The following RIC8B variants were observed in gnomAD, a reference collection of about 807,000 sequenced individuals.
RIC8B encodes chaperone Ric-8B.
Under a neutral mutation model 57.5 loss-of-function variants are expected in RIC8B, and 16 were observed. The ratio of observed to expected loss-of-function variants is 0.28; its 90% CI spans 0.19 to 0.42. The LOEUF is 0.42. RIC8B is among the 10% of genes least tolerant of loss of function. The pLI, the probability that RIC8B is intolerant of heterozygous loss-of-function variation, is 1.00. For missense variants in RIC8B, 481 were observed against 677.0 expected, an observed-to-expected ratio of 0.71 and a Z score of 3.21; for synonymous variants, 216 against 250.8, an observed-to-expected ratio of 0.86 and a Z score of 1.31.
intron 2 of RIC8B, among the ~76,000 whole-genome samples, chr12:106,787,080 T>C (rs750843922): frequency 6.6e-6 from 1 of 152,212 alleles, no homozygotes; most frequent in Non-Finnish European, 1.5e-5. Context: ...AATAGGGTAG[T>C]AGAAAAAAAC....
At chr12:106,873,148 A>G in intron 9 of RIC8B, 18 of 985,410 alleles carry the variant, frequency 1.8e-5, no homozygotes, top group Non-Finnish European at 2.2e-5. Flanking sequence ...ACTTATCCGG[A>G]AGTACCCAGC....
intron 9 of RIC8B, chr12:106,874,485 G>A: frequency 6.4e-7 from 1 of 1,551,170 alleles, no homozygotes; most frequent in East Asian, 2.4e-5. Context: ...CCATAGGAGA[G>A]CAGATGTGAA....
rs1949077797 is a variant in RIC8B at position 106,844,045 on chromosome 12, A to G, written c.1161+98A>G. 7 of 874,802 alleles carry G rather than the reference A, an allele frequency of 8.0e-6. No homozygotes were observed. In the South Asian group the frequency reaches 1.0e-4, roughly 13 times the overall value. 54.2% of individuals were successfully genotyped at this position (874,802 alleles called of 1,614,324 possible). A position where few individuals can be genotyped will look rare whatever the true frequency, so the allele number is the denominator to read the frequency against. On this transcript the variant is annotated intron_variant, in intron 6 of 9. Coordinates refer to ENST00000392837, the MANE Select transcript of RIC8B (RefSeq NM_001330145.2). ...TTTTCTCACAATGATTTTGTTTCAG[A>G]TAATCAGAAACTCAGTCTTAATCTT...
chr12:106,872,968 A>G (rs1950508588), intron 9 of RIC8B: 1 of 932,802 alleles, frequency 1.1e-6, no homozygotes, highest in South Asian at 5.0e-5. Flanking sequence ...CTACCATTTC[A>G]TAAGGCATCT....
At chr12:106,871,917 G>T (rs2136604978) in intron 9 of RIC8B, among the ~76,000 whole-genome samples, 1 of 152,300 alleles carries the variant, frequency 6.6e-6, no homozygotes, top group Middle Eastern at 3.4e-3. Flanking sequence ...GGGTAGAAAT[G>T]GACAAGAACA....
At chr12:106,826,014 C>A (rs538328353) in intron 4 of RIC8B, among the ~76,000 whole-genome samples, 194 bp downstream of exon 4, 1 of 152,212 alleles carries the variant, frequency 6.6e-6, no homozygotes, top group Non-Finnish European at 1.5e-5. Context: ...TGCCCCCTTT[C>A]ACTTTGTTAT....
intron 2 of RIC8B, among the ~76,000 whole-genome samples, chr12:106,799,859 C>T (rs1166956234): frequency 6.6e-6 from 1 of 152,094 alleles, no homozygotes; most frequent in African/African-American, 2.4e-5. Context: ...TCTCGGCTAT[C>T]TTAGTCTGCT....
chr12:106,848,132 G>A (rs1949290556), intron 6 of RIC8B, among the ~76,000 whole-genome samples: 1 of 152,170 alleles, frequency 6.6e-6, no homozygotes, highest in African/African-American at 2.4e-5. Context: ...TGACATTTTG[G>A]CAAACATCTG....
intron 8 of RIC8B, chr12:106,868,387 T>C: frequency 2.2e-6 from 1 of 455,278 alleles, no homozygotes; most frequent in Non-Finnish European, 4.4e-6. Context: ...TCCCTTATAC[T>C]TTCTTCTAAG....
chr12:106,830,643 G>A (rs1483706505), intron 4 of RIC8B, among the ~76,000 whole-genome samples: 1 of 152,206 alleles, frequency 6.6e-6, no homozygotes, highest in Non-Finnish European at 1.5e-5. Context: ...TAGGTGAACA[G>A]ATGTTTTCTG....
At chr12:106,873,184 AT>A in intron 9 of RIC8B, 1 of 985,372 alleles carries the variant, frequency 1.0e-6, no homozygotes, top group Non-Finnish European at 1.2e-6. Context: ...GGTGACACTG[AT>A]TTTTGCATGT....
chr12:106,786,889 A>G (rs1466355679), intron 2 of RIC8B, among the ~76,000 whole-genome samples: 2 of 152,174 alleles, frequency 1.3e-5, no homozygotes, highest in Non-Finnish European at 2.9e-5. Context: ...ATTTAATTTC[A>G]TTGGAAGATC....
intron 9 of RIC8B, among the ~76,000 whole-genome samples, chr12:106,884,145 C>T (rs1050865188): frequency 6.6e-6 from 1 of 152,366 alleles, no homozygotes; most frequent in Admixed American, 6.5e-5. Context: ...CCTCCCCAGG[C>T]AGCCTGGTCA....
At chr12:106,775,331 A>G (rs748160961) in intron 1 of RIC8B, 88 of 456,004 alleles carry the variant, frequency 1.9e-4, no homozygotes, top group Non-Finnish European at 3.7e-4. Flanking sequence ...CAGAGTGTTT[A>G]TAGGGTAGAT....
chr12:106,819,817 T>C (rs1460198094), intron 3 of RIC8B, among the ~76,000 whole-genome samples: 2 of 148,636 alleles, frequency 1.3e-5, no homozygotes, highest in South Asian at 2.1e-4. Context: ...AAAATACTTA[T>C]ATATTATATA....
intron 3 of RIC8B, 59 bp downstream of exon 3, chr12:106,815,363 A>G: frequency 6.7e-7 from 1 of 1,503,208 alleles, no homozygotes; most frequent in South Asian, 1.3e-5. Flanking sequence ...GGACATCCCT[A>G]GAGTTTCCTG....
chr12:106,879,564 TA>T lies in RIC8B; in HGVS notation c.1572-6339del, dbSNP rs764830862. 6.1e-6 allele frequency: 6 copies of T among 984,984 alleles called. No individual in the cohort carries two copies. Among genetic ancestry groups the T allele is most frequent in the Non-Finnish European group, 7.2e-6 (6 of 829,782 alleles). 61.0% of individuals were successfully genotyped at this position (984,984 alleles called of 1,614,324 possible). Reference sequence around the variant, plus strand: ...AAAAAACAGACCAGAATATTTTAAATATGGTGTAAATTCCGTATCTCCCATC... The same window carrying T: ...AAAAAACAGACCAGAATATTTTAAATTGGTGTAAATTCCGTATCTCCCATC... On this transcript the variant is annotated intron_variant, in intron 9 of 9. Coordinates refer to ENST00000392837, the MANE Select transcript of RIC8B (RefSeq NM_001330145.2). The surrounding 1 kb of genome is among the most constrained non-coding windows in gnomAD (Gnocchi z 4.9).
At chr12:106,884,469 T>G (rs1479955691) in intron 9 of RIC8B, among the ~76,000 whole-genome samples, 1 of 152,184 alleles carries the variant, frequency 6.6e-6, no homozygotes, top group Non-Finnish European at 1.5e-5. Context: ...TGCCACTAGA[T>G]AAGTGACCTT....
intron 3 of RIC8B, among the ~76,000 whole-genome samples, chr12:106,821,158 C>T (rs2045823198): frequency 6.6e-6 from 1 of 152,154 alleles, no homozygotes; most frequent in Non-Finnish European, 1.5e-5. Context: ...CCCAATTTGA[C>T]AAATGAGGAC....
Sources: gnomAD v4.1 joint callset for allele counts (sites outside exome capture counted in the v4.1 genomes callset) on GRCh38, gnomAD v4.1.1 for gene constraint, Gnocchi (gnomAD v3.1) non-coding constraint, MANE v1.5 for transcripts, NCBI Gene and HGNC (gene_info 2026-07-23, HGNC 2026-07-21) for gene names.